The following NLGN1 variants were observed in gnomAD, a reference collection of about 807,000 sequenced individuals.
NLGN1 encodes neuroligin-1.
A neutral mutation model predicts 65.5 loss-of-function variants in NLGN1; 12 were observed. The ratio of observed to expected loss-of-function variants is 0.18; its 90% CI spans 0.12 to 0.30. The LOEUF (loss-of-function observed/expected upper bound fraction) is 0.30, where lower values mean the gene tolerates loss of function less well. Ranked by LOEUF, NLGN1 falls within the 10% of genes least tolerant of loss-of-function variation. NLGN1 has a pLI of 1.00. For missense variants in NLGN1, 750 were observed against 1,007.1 expected (o/e 0.74, Z 3.46); for synonymous variants, 350 against 359.5 (o/e 0.97, Z 0.30).
chr3:173,400,646 C>T (rs1000277568), intron 1 of NLGN1, among the ~76,000 whole-genome samples: 3 of 152,066 alleles, frequency 2.0e-5, no homozygotes, highest in African/African-American at 4.8e-5. Context: ...TTCCTGTACC[C>T]TTACTCTGAG....
At chr3:173,514,454 T>A (rs890912153) in intron 2 of NLGN1, among the ~76,000 whole-genome samples, 2 of 152,190 alleles carry the variant, frequency 1.3e-5, no homozygotes, top group African/African-American at 4.8e-5. Context: ...TCTGGTAGTT[T>A]AGCTGTCACT....
intron 4 of NLGN1, among the ~76,000 whole-genome samples, chr3:174,053,877 T>C (rs977421823): frequency 3.9e-5 from 6 of 152,018 alleles, no homozygotes; most frequent in African/African-American, 1.4e-4. Flanking sequence ...ATATTGAATA[T>C]ATTCCCTATA....
At chr3:173,967,623 G>A (rs1341662626) in intron 4 of NLGN1, among the ~76,000 whole-genome samples, 2 of 151,912 alleles carry the variant, frequency 1.3e-5, no homozygotes, top group African/African-American at 2.4e-5. Flanking sequence ...TGTTTTCTTT[G>A]GCATGTTCTC....
chr3:173,576,919 C>T lies in NLGN1; in HGVS notation c.-320-27360C>T, dbSNP rs377721095. Among the ~76,000 whole-genome samples, 32 of 152,212 alleles carry T rather than the reference C, an allele frequency of 2.1e-4. No individual in the cohort carries two copies. In the East Asian group the frequency reaches 4.1e-3, roughly 19 times the overall value. On this transcript the variant is annotated intron_variant, in intron 2 of 6. Coordinates refer to ENST00000457714, the Ensembl canonical transcript of NLGN1. ...GTCCAATATTTTAAGATCAACGAAA[C>T]GGTAATACCAAAAAACAATCATAAG...
chr3:173,772,825 T>C (rs1684358022), intron 3 of NLGN1, among the ~76,000 whole-genome samples: 1 of 152,164 alleles, frequency 6.6e-6, no homozygotes, highest in Admixed American at 6.5e-5. Context: ...TATTATTTTG[T>C]TCTTTCCTAG....
intron 4 of NLGN1, among the ~76,000 whole-genome samples, chr3:174,020,167 A>C (rs1727462121): frequency 2.0e-5 from 3 of 152,146 alleles, no homozygotes. Context: ...AAATTACAGA[A>C]CCATCATGTG....
chr3:173,845,769 A>T, intron 4 of NLGN1, among the ~76,000 whole-genome samples: 1 of 152,192 alleles, frequency 6.6e-6, no homozygotes, highest in East Asian at 1.9e-4. Flanking sequence ...GAGGCAAGGT[A>T]TTGGTAGAAG....
At chr3:174,233,671 G>A (rs569351267) in intron 4 of NLGN1, among the ~76,000 whole-genome samples, 2 of 152,162 alleles carry the variant, frequency 1.3e-5, no homozygotes, top group African/African-American at 4.8e-5. Flanking sequence ...GGGGACTGAG[G>A]TTAATCAGAA....
intron 4 of NLGN1, among the ~76,000 whole-genome samples, chr3:174,115,044 G>A (rs935907297): frequency 7.2e-5 from 11 of 152,096 alleles, no homozygotes; most frequent in African/African-American, 2.4e-4. Context: ...GGTTAACAAA[G>A]GACTGTTGAC....
At chr3:174,259,788 A>G (rs1346639638) in intron 4 of NLGN1, among the ~76,000 whole-genome samples, 2 of 149,846 alleles carry the variant, frequency 1.3e-5, no homozygotes, top group East Asian at 4.0e-4. Context: ...CACCCACTAA[A>G]TCGTCATCTA....
chr3:173,773,284 T>A (rs563409233), intron 3 of NLGN1, among the ~76,000 whole-genome samples: 4 of 152,150 alleles, frequency 2.6e-5, no homozygotes, highest in Non-Finnish European at 4.4e-5. Flanking sequence ...GGGGAAGGAA[T>A]GTGCTTCAAC....
intron 3 of NLGN1, among the ~76,000 whole-genome samples, chr3:173,615,623 A>G (rs756459910): frequency 6.6e-6 from 1 of 152,170 alleles, no homozygotes; most frequent in Non-Finnish European, 1.5e-5. Context: ...AGCACAAAAT[A>G]TGCACATCAG....
At chr3:173,848,999 G>T (rs572752088) in intron 4 of NLGN1, among the ~76,000 whole-genome samples, 84 of 152,128 alleles carry the variant, frequency 5.5e-4, no homozygotes, top group African/African-American at 2.0e-3. Context: ...GAAACCAACT[G>T]GAGACTCCAT....
chr3:173,852,150 A>G (rs1015679120), intron 4 of NLGN1, among the ~76,000 whole-genome samples: 1 of 151,504 alleles, frequency 6.6e-6, no homozygotes, highest in African/African-American at 2.4e-5. Context: ...AGGTCAGGAG[A>G]TCGAGACCAT....
chr3:173,438,785 G>C (rs552627112), intron 2 of NLGN1, among the ~76,000 whole-genome samples: 1 of 152,264 alleles, frequency 6.6e-6, no homozygotes, highest in South Asian at 2.1e-4. Flanking sequence ...CCTTCAGGGA[G>C]TTAATGGGTA....
chr3:173,899,941 A>C (rs569831544), intron 4 of NLGN1, among the ~76,000 whole-genome samples: 1 of 152,246 alleles, frequency 6.6e-6, no homozygotes, highest in African/African-American at 2.4e-5. Context: ...TAAACAAAGA[A>C]ATAAATGATG....
chr3:173,531,641 C>T (rs1736590604), intron 2 of NLGN1, among the ~76,000 whole-genome samples: 1 of 151,492 alleles, frequency 6.6e-6, no homozygotes, highest in African/African-American at 2.4e-5. Flanking sequence ...TTCTTTATTC[C>T]AGCTAAACTT....
At chr3:173,709,803 CAAAAAAA>C (rs59998502) in intron 3 of NLGN1, among the ~76,000 whole-genome samples, 4 of 69,276 alleles carry the variant, frequency 5.8e-5, no homozygotes, top group Non-Finnish European at 8.1e-5. Context: ...AACTCTATCT[CAAAAAAA>C]AAAAAAAAAA....
chr3:174,126,244 G>A (rs887830066), intron 4 of NLGN1, among the ~76,000 whole-genome samples: 9 of 152,004 alleles, frequency 5.9e-5, no homozygotes, highest in African/African-American at 2.2e-4. Flanking sequence ...ACTAGTTTCT[G>A]TTTATTTTCT....
Sources: gnomAD v4.1 joint callset for allele counts (sites outside exome capture counted in the v4.1 genomes callset) on GRCh38, gnomAD v4.1.1 for gene constraint, MANE v1.5 for transcripts, NCBI Gene and HGNC (gene_info 2026-07-23, HGNC 2026-07-21) for gene names.